Variants in KCNMA1 observed in about 807,000 individuals in gnomAD.
KCNMA1 encodes the protein Calcium-activated potassium channel subunit alpha-1.
In KCNMA1, 29 loss-of-function variants were observed where a neutral mutation model predicts 140.0. The observed-to-expected ratio is 0.21, with a 90% CI of 0.15 to 0.28. The LOEUF is 0.28. KCNMA1 is among the 10% of genes least tolerant of loss of function. The pLI is 1.00. For synonymous variants in KCNMA1, 612 were observed against 611.9 expected (o/e 1.00, Z 0.00); for missense variants, 880 against 1,602.2 (o/e 0.55, Z 7.70).
chr10:77,545,570 T>G (rs1025688978), intron 1 of KCNMA1, among the ~76,000 whole-genome samples: 35 of 152,206 alleles, frequency 2.3e-4, no homozygotes, highest in Middle Eastern at 3.4e-3. Context: ...CTGTCCAGCA[T>G]CTCCTGTGCC....
chr10:77,632,934 A>G (rs1424049054), intron 1 of KCNMA1, among the ~76,000 whole-genome samples: 1 of 152,226 alleles, frequency 6.6e-6, no homozygotes, highest in East Asian at 1.9e-4. Context: ...TTGGCAGTCA[A>G]AGATGCCCTG....
intron 3 of KCNMA1, among the ~76,000 whole-genome samples, chr10:77,230,674 AAAG>A (rs1293827509): frequency 2.6e-5 from 4 of 152,186 alleles, no homozygotes; most frequent in African/African-American, 7.2e-5. Flanking sequence ...CTCTGGAGGA[AAAG>A]AAGAACAATA....
At chr10:77,289,740 T>C (rs2072490199) in intron 2 of KCNMA1, among the ~76,000 whole-genome samples, 1 of 152,192 alleles carries the variant, frequency 6.6e-6, no homozygotes, top group Non-Finnish European at 1.5e-5. Flanking sequence ...GGACTGTAAA[T>C]AGAGTCTTCA....
At position 77,477,363 on chromosome 10, in the gene KCNMA1, G is replaced by A. The variant is rs529865916; in HGVS notation, c.379-73340C>T. On this transcript the variant is annotated intron_variant, in intron 1 of 27. Transcript: ENST00000286628. ...GACAAAGATCCCAAGGGTAGAGAAA[G>A]GCAATTTATCAGGCCACCATATGTC... 4.6e-4 allele frequency among the ~76,000 whole-genome samples: 70 copies of A among 152,186 alleles called. 1 individual carries two copies. Among genetic ancestry groups the A allele is most frequent in the Non-Finnish European group, 8.7e-4 (59 of 68,028 alleles).
chr10:77,598,291 C>T (rs1025401736), intron 1 of KCNMA1, among the ~76,000 whole-genome samples: 1 of 152,156 alleles, frequency 6.6e-6, no homozygotes, highest in South Asian at 2.1e-4. Context: ...TATTTTAATC[C>T]CCTGGACTGT....
intron 2 of KCNMA1, among the ~76,000 whole-genome samples, chr10:77,327,893 GA>G (rs1395950898): frequency 6.6e-6 from 1 of 152,120 alleles, no homozygotes; most frequent in Non-Finnish European, 1.5e-5. Context: ...ATAAAGTGGG[GA>G]TTTTTATGTC....
chr10:76,875,520 A>T (rs1897594), downstream of KCNMA1: 90,561 of 151,816 alleles, frequency 0.6, 27,726 homozygotes, highest in African/African-American at 0.75. Flanking sequence ...TTGTTAGGGG[A>T]GACACAGGGA....
At chr10:76,998,697 C>G (rs182058799) in intron 19 of KCNMA1, among the ~76,000 whole-genome samples, 1 of 152,294 alleles carries the variant, frequency 6.6e-6, no homozygotes, top group East Asian at 1.9e-4. Context: ...CCCACTCTCA[C>G]CACTGCTCTT....
intron 2 of KCNMA1, among the ~76,000 whole-genome samples, chr10:77,353,315 T>A (rs993867912): frequency 2.0e-5 from 3 of 152,100 alleles, no homozygotes; most frequent in Non-Finnish European, 4.4e-5. Flanking sequence ...AGGAGCCCCA[T>A]CACTGAGTGG....
intron 25 of KCNMA1, among the ~76,000 whole-genome samples, chr10:76,909,450 A>T (rs936359122): frequency 2.5e-4 from 38 of 152,108 alleles, no homozygotes; most frequent in African/African-American, 8.9e-4. Flanking sequence ...CATTATTCTT[A>T]AGAAAAAGTC....
At chr10:77,451,770 T>C (rs1349030894) in intron 1 of KCNMA1, among the ~76,000 whole-genome samples, 5 of 152,176 alleles carry the variant, frequency 3.3e-5, no homozygotes, top group Non-Finnish European at 7.3e-5. Context: ...GGCACCTATA[T>C]TTCTAAGGAC....
intron 23 of KCNMA1, among the ~76,000 whole-genome samples, chr10:76,918,913 TCACATCA>T (rs1267007127): frequency 1.7e-5 from 2 of 117,500 alleles, no homozygotes; most frequent in African/African-American, 6.4e-5. Context: ...CATATATATA[TCACATCA>T]CACACACACA....
intron 1 of KCNMA1, among the ~76,000 whole-genome samples, chr10:77,547,371 C>A (rs886478583): frequency 1.3e-5 from 2 of 152,188 alleles, no homozygotes; most frequent in African/African-American, 2.4e-5. Context: ...TATATTTCAA[C>A]CTACCCACTA....
At chr10:77,225,137 C>G (rs1024241228) in intron 3 of KCNMA1, among the ~76,000 whole-genome samples, 1 of 152,142 alleles carries the variant, frequency 6.6e-6, no homozygotes, top group Admixed American at 6.6e-5. Context: ...CTTACAGACT[C>G]CTCCCCTGCA....
intron 2 of KCNMA1, among the ~76,000 whole-genome samples, chr10:77,293,968 C>T (rs935964885): frequency 1.3e-5 from 2 of 152,260 alleles, no homozygotes; most frequent in Non-Finnish European, 2.9e-5. Flanking sequence ...CACATCCAAG[C>T]ACCCTGGCCC....
chr10:77,219,589 C>T (rs2048902027), intron 3 of KCNMA1, among the ~76,000 whole-genome samples: 1 of 152,138 alleles, frequency 6.6e-6, no homozygotes, highest in Non-Finnish European at 1.5e-5. Flanking sequence ...TTCTCAGAAA[C>T]CTCAAATGTC....
intron 1 of KCNMA1, among the ~76,000 whole-genome samples, chr10:77,438,280 A>G (rs1029093421): frequency 6.6e-6 from 1 of 152,088 alleles, no homozygotes; most frequent in Non-Finnish European, 1.5e-5. Flanking sequence ...TTTCTAAAAA[A>G]CGTAGTACCA....
intron 18 of KCNMA1, among the ~76,000 whole-genome samples, chr10:77,007,632 C>A (rs1444622483): frequency 3.4e-5 from 2 of 58,778 alleles, no homozygotes; most frequent in South Asian, 5.5e-4. Flanking sequence ...TCTGATACAT[C>A]ATGGTACATA....
intron 1 of KCNMA1, among the ~76,000 whole-genome samples, chr10:77,519,579 T>G (rs1046442549): frequency 1.6e-4 from 25 of 152,190 alleles, no homozygotes; most frequent in Admixed American, 1.6e-3. Context: ...GTAAAGAGTA[T>G]TAATATCACG....
Sources: gnomAD v4.1 joint callset for allele counts (sites outside exome capture counted in the v4.1 genomes callset) on GRCh38, gnomAD v4.1.1 for gene constraint, MANE v1.5 for transcripts, NCBI Gene and HGNC (gene_info 2026-07-23, HGNC 2026-07-21) for gene names.